Variants in RBM14 observed in about 807,000 individuals in gnomAD.
The protein encoded by RBM14 is RNA binding motif protein 14, also known as RNA-binding protein 14.
Under a neutral mutation model 52.8 loss-of-function variants are expected in RBM14, and 5 were observed. The ratio of observed to expected loss-of-function variants is 0.09; its 90% confidence interval spans 0.05 to 0.20. The LOEUF is 0.20. RBM14 is among the 10% of genes least tolerant of loss of function. RBM14 has a pLI of 1.00. For synonymous variants in RBM14, 411 were observed against 401.8 expected, an observed-to-expected ratio of 1.02 and a Z score of -0.28; for missense variants, 780 against 926.6, an observed-to-expected ratio of 0.84 and a Z score of 2.05.
At chr11:66,621,495 G>A (rs1376621841) in intron 1 of RBM14, among the ~76,000 whole-genome samples, 5 of 151,588 alleles carry the variant, frequency 3.3e-5, no homozygotes, top group Non-Finnish European at 5.9e-5. Flanking sequence ...CTCCTGCCTC[G>A]GCTTCTTGAG....
rs376054376 is a variant in RBM14, at chr11:66,616,933, G to A, written c.213G>A (p.Ser71=). The change falls in exon 1 of 3, where the codon TCG becomes TCA. Residue 71 remains serine, a synonymous_variant. Transcript: ENST00000310137. The part of the protein sequence containing the change: ...RPGRALVVEM[S]RPRPLNTWKI... ...GGCGCGCGCTCGTGGTGGAGATGTC[G>A]CGCCCAAGGCCTCTTAATACTTGGA... The A allele has an allele frequency of 4.3e-5, 69 of 1,612,180 alleles. No individual in the cohort carries two copies. In the African/African-American group the frequency reaches 8.9e-4, roughly 21 times the overall value.
In RBM14 at chr11:66,626,857, C is replaced by G. The variant is rs1238997724; in HGVS notation, c.*189C>G. On this transcript the variant is annotated 3_prime_UTR_variant, in exon 3 of 3. Transcript: ENST00000310137. ...GCAGTAACCTACTTTGTTCCTTCGCCTCAGCAGCAAATCTTGCTACTGGCT... is the reference window on the plus strand; with the variant it reads ...GCAGTAACCTACTTTGTTCCTTCGCGTCAGCAGCAAATCTTGCTACTGGCT... The G allele has an allele frequency of 1.0e-5, 6 of 590,250 alleles. No individual in the cohort carries two copies. Among genetic ancestry groups the G allele is most frequent in the Non-Finnish European group, 1.7e-5 (6 of 346,386 alleles). The allele number at this position is 590,250 out of a possible 1,614,324, so 36.6% of individuals were successfully genotyped here. A position where few individuals can be genotyped will look rare whatever the true frequency, so the allele number is the denominator to read the frequency against.
Position 66,625,418 on chromosome 11 carries a change from T to G in RBM14, c.1542T>G (p.Ala514=). 6.2e-7 allele frequency: 1 copy of G among 1,613,592 alleles called. No homozygotes were observed. Among genetic ancestry groups the G allele is most frequent in the African/African-American group, 1.3e-5 (1 of 75,002 alleles). The change falls in exon 2 of 3, where the codon GCT becomes GCG. Residue 514 remains alanine (A), a synonymous_variant. Transcript: ENST00000310137. This position sits in a 1 kb window ranked among gnomAD's most constrained non-coding sequence, Gnocchi z 4.2. The stretch of plus-strand genomic sequence containing the variant: ...CCCAACCTTCTGCCACCCTGGCAGC[T>G]CCTTACCGCACTCAGTCATCAGCCT... ...YGAQPSATLA[A]PYRTQSSASL...
intron 1 of RBM14, among the ~76,000 whole-genome samples, chr11:66,622,028 C>T (rs1859135939): frequency 6.6e-6 from 1 of 151,702 alleles, no homozygotes; most frequent in Admixed American, 6.6e-5. Context: ...TGATTCTCCT[C>T]CCTCAGCCTC....
rs758527196 is a variant in RBM14 at position 66,625,537 on chromosome 11, C to T, written c.1661C>T (p.Pro554Leu). The T allele has an allele frequency of 3.0e-5, 48 of 1,612,342 alleles. No homozygotes were observed. The highest frequency in any genetic ancestry group is 4.4e-5 in the South Asian group (4 of 91,004). Residue 554 changes from proline (P) to leucine (L), a missense_variant, in exon 2 of 3, where the codon CCG becomes CTG. This residue lies in a region of RBM14 where 675 missense variants were observed against 697.3 expected (regional missense o/e 0.97). Transcript: ENST00000310137. This position sits in a 1 kb window ranked among gnomAD's most constrained non-coding sequence, Gnocchi z 4.2. ...AATGCCTACGATGGGGCAGGTCAGC[C>T]GTCTGCAGCCTACCTGTCCATGTCC... Reference protein sequence around the residue: ...PGNAYDGAGQPSAAYLSMSQG... With the variant: ...PGNAYDGAGQLSAAYLSMSQG...
At position 66,626,701 on chromosome 11, in the gene RBM14, A is replaced by T; in HGVS notation, c.*33A>T. ...CTGGGATGGGGCACCACAGGGAGGG[A>T]GGGAGAAAAGAGGTGGGTAGGGTTA... On this transcript the variant is annotated 3_prime_UTR_variant, in exon 3 of 3. Transcript: ENST00000310137. 1 of 1,548,432 alleles carries T rather than the reference A, an allele frequency of 6.5e-7. No individual in the cohort carries two copies. Among genetic ancestry groups the T allele is most frequent in the Non-Finnish European group, 8.8e-7 (1 of 1,140,902 alleles).
intron 1 of RBM14, chr11:66,619,100 C>G (rs1858977990): frequency 6.5e-6 from 1 of 152,740 alleles, no homozygotes; most frequent in Non-Finnish European, 1.5e-5. Context: ...CCACTGATGT[C>G]TTTTTATCTG....
Position 66,625,655 on chromosome 11 carries a change from A to G in RBM14, c.1779A>G (p.Lys593=). ...GGGCCAGCTACGACGATCCCTACAAAAAGGCTGTCGCCATGTCGAAAAGGT... is the reference window on the plus strand; with the variant it reads ...GGGCCAGCTACGACGATCCCTACAAGAAGGCTGTCGCCATGTCGAAAAGGT... ...PPRASYDDPY[K]KAVAMSKRYG... The change falls in exon 2 of 3, where the codon AAA becomes AAG. Residue 593 remains lysine, a synonymous_variant. Transcript: ENST00000310137. The surrounding 1 kb of genome is among the most constrained non-coding windows in gnomAD (Gnocchi z 4.2). 6.2e-7 allele frequency: 1 copy of G among 1,611,840 alleles called. No individual in the cohort carries two copies. The highest frequency in any genetic ancestry group is 1.1e-5 in the South Asian group (1 of 91,072).
At position 66,629,744 on chromosome 11, in the gene RBM14, G is replaced by A. The variant is rs958973018; in HGVS notation, c.*3076G>A. 6.6e-6 allele frequency among the ~76,000 whole-genome samples: 1 copy of A among 152,054 alleles called. No homozygotes were observed. The highest frequency in any genetic ancestry group is 2.4e-5 in the African/African-American group (1 of 41,386). ...TCCAGAAAATAATTCTTAAAACTGG[G>A]TTTTATGTCTAGATTTAAATCATGT... On this transcript the variant is annotated 3_prime_UTR_variant, in exon 3 of 3. Coordinates refer to ENST00000310137, the MANE Select transcript of RBM14 (RefSeq NM_006328.4).
At chr11:66,619,655 C>T (rs1483460331) in intron 1 of RBM14, among the ~76,000 whole-genome samples, 4 of 151,932 alleles carry the variant, frequency 2.6e-5, no homozygotes, top group South Asian at 4.1e-4. Flanking sequence ...CAAGCTCCGC[C>T]TCCTGGGTTC....
chr11:66,625,458 T>C lies in RBM14; in HGVS notation c.1582T>C (p.Tyr528His), dbSNP rs2135023033. Residue 528 changes from tyrosine to histidine, a missense_variant, in exon 2 of 3, where the codon TAT becomes CAT. By Grantham distance (83) the Tyr-to-His change is moderately conservative (BLOSUM62 2). Coordinates refer to ENST00000310137, the MANE Select transcript of RBM14 (RefSeq NM_006328.4). The surrounding 1 kb of genome is among the most constrained non-coding windows in gnomAD (Gnocchi z 4.2). ...TQSSASLAAS[Y>H]AAQQHPQAAA... ...GTCATCAGCCTCATTGGCTGCTTCC[T>C]ATGCTGCCCAGCAGCATCCCCAGGC... 6.2e-7 allele frequency: 1 copy of C among 1,613,518 alleles called. No individual in the cohort carries two copies. Among genetic ancestry groups the C allele is most frequent in the Middle Eastern group, 1.7e-4 (1 of 5,936 alleles).
At position 66,626,788 on chromosome 11, in the gene RBM14, T is replaced by TGGTAGAGGGCATGAAAA; in HGVS notation, c.*120_*121insGGTAGAGGGCATGAAAA. 1.0e-6 allele frequency: 1 copy of TGGTAGAGGGCATGAAAA among 984,114 alleles called. No homozygotes were observed. The highest frequency in any genetic ancestry group is 1.5e-6 in the Non-Finnish European group (1 of 684,482). 61.0% of individuals were successfully genotyped at this position (984,114 alleles called of 1,614,324 possible). A position where few individuals can be genotyped will look rare whatever the true frequency, so the allele number is the denominator to read the frequency against. On this transcript the variant is annotated 3_prime_UTR_variant, in exon 3 of 3. Coordinates refer to ENST00000310137, the MANE Select transcript of RBM14 (RefSeq NM_006328.4). ...CCTGGTTGTGGTTTTTCATGCCCTC[T>TGGTAGAGGGCATGAAAA]ACCATGTGGGCCTTCCCCAGGAGAT...
rs1205153328 is a variant in RBM14 at position 66,616,978 on chromosome 11, G to A, written c.258G>A (p.Val86=). 6.2e-7 allele frequency: 1 copy of A among 1,612,360 alleles called. No homozygotes were observed. Among genetic ancestry groups the A allele is most frequent in the Non-Finnish European group, 8.5e-7 (1 of 1,179,626 alleles). ...CTTGGAAGATTTTCGTGGGCAATGT[G>A]TCGGCTGCATGCACGAGCCAGGAAC... The part of the protein sequence containing the change: ...LNTWKIFVGN[V]SAACTSQELR... Residue 86 remains valine (V), a synonymous_variant, in exon 1 of 3, where the codon GTG becomes GTA. Coordinates refer to ENST00000310137, the MANE Select transcript of RBM14 (RefSeq NM_006328.4).
At chr11:66,618,518 C>T (rs1801017952) in intron 1 of RBM14, 1 of 717,408 alleles carries the variant, frequency 1.4e-6, no homozygotes, top group East Asian at 2.7e-5. Flanking sequence ...CACGACTATC[C>T]GGAATCGGGC....
chr11:66,617,347 G>A, intron 1 of RBM14: 2 of 1,247,622 alleles, frequency 1.6e-6, no homozygotes, highest in Non-Finnish European at 2.0e-6. Flanking sequence ...CCGGGGGCGC[G>A]CCTTCTCCTG....
In RBM14 at chr11:66,626,868, A is replaced by G; in HGVS notation, c.*200A>G. The G allele has an allele frequency of 3.6e-6, 2 of 559,630 alleles. No individual in the cohort carries two copies. Among genetic ancestry groups the G allele is most frequent in the Middle Eastern group, 4.7e-4 (1 of 2,148 alleles). 34.7% of individuals were successfully genotyped at this position (559,630 alleles called of 1,614,324 possible). A position where few individuals can be genotyped will look rare whatever the true frequency, so the allele number is the denominator to read the frequency against. The stretch of plus-strand genomic sequence containing the variant: ...CTTTGTTCCTTCGCCTCAGCAGCAA[A>G]TCTTGCTACTGGCTCTAGATCTGCG... On this transcript the variant is annotated 3_prime_UTR_variant, in exon 3 of 3. Transcript: ENST00000310137.
Position 66,627,264 on chromosome 11 carries a change from G to C in RBM14, c.*596G>C, listed in dbSNP as rs1321214806. The C allele has an allele frequency of 1.3e-5, 2 of 152,188 alleles. No homozygotes were observed. The highest frequency in any genetic ancestry group is 2.9e-5 in the Non-Finnish European group (2 of 68,060). The allele number at this position is 152,188 out of a possible 1,614,324, so 9.4% of individuals were successfully genotyped here. The stretch of plus-strand genomic sequence containing the variant: ...TCCCACTTCCCCATCTCCCCAAGTA[G>C]GTGGTGTTAGAAAACCTTAATTTTT... On this transcript the variant is annotated 3_prime_UTR_variant, in exon 3 of 3. Coordinates refer to ENST00000310137, the MANE Select transcript of RBM14 (RefSeq NM_006328.4).
In RBM14 at chr11:66,624,884, C is replaced by T; in HGVS notation, c.1008C>T (p.Ser336=). The stretch of plus-strand genomic sequence containing the variant: ...TCAACTCCTATGGGGCTCAGGGTTC[C>T]TCCCTTGCCTCCTATGGTAACCAGC... ...SSLNSYGAQG[S]SLASYGNQPS... The change falls in exon 2 of 3, where the codon TCC becomes TCT. Residue 336 remains serine, a synonymous_variant. Coordinates refer to ENST00000310137, the MANE Select transcript of RBM14 (RefSeq NM_006328.4). This position sits in a 1 kb window ranked among gnomAD's most constrained non-coding sequence, Gnocchi z 4.7. 2.5e-6 allele frequency: 4 copies of T among 1,613,344 alleles called. No individual in the cohort carries two copies. The highest frequency in any genetic ancestry group is 3.4e-6 in the Non-Finnish European group (4 of 1,179,782).
intron 1 of RBM14, among the ~76,000 whole-genome samples, chr11:66,620,123 C>CT (rs1859037113): frequency 6.6e-6 from 1 of 152,146 alleles, no homozygotes; most frequent in Non-Finnish European, 1.5e-5. Context: ...TTTAATCTAG[C>CT]TAGGTCTGTG....
Sources: allele counts gnomAD v4.1 joint callset (sites outside exome capture counted in the v4.1 genomes callset), GRCh38; gene constraint gnomAD v4.1.1; regional missense constraint gnomAD v4.1.1; non-coding constraint Gnocchi (gnomAD v3.1); transcripts MANE v1.5; gene names NCBI Gene and HGNC (gene_info 2026-07-23, HGNC 2026-07-21).